MED1: variants seen among roughly 807,000 people sequenced by gnomAD.
The protein encoded by MED1 is mediator complex subunit 1, also known as mediator of RNA polymerase II transcription subunit 1.
MED1 carries 17 observed loss-of-function variants against 121.3 expected under a neutral mutation model. The ratio of observed to expected loss-of-function variants is 0.14; its 90% CI spans 0.10 to 0.21. The LOEUF (loss-of-function observed/expected upper bound fraction) is 0.21. Among genes scored for constraint, MED1 ranks in the 10% least tolerant of loss-of-function variants. The probability of loss-of-function intolerance (pLI) is 1.00; values close to 1 mark genes in which losing one functional copy is unlikely to be tolerated. For missense variants in MED1, 1,558 were observed against 1,919.4 expected, an observed-to-expected ratio of 0.81 and a Z score of 3.52; for synonymous variants, 661 against 694.4, an observed-to-expected ratio of 0.95 and a Z score of 0.76.
chr17:39,431,522 G>A lies in MED1; in HGVS notation c.576-334C>T, dbSNP rs368109753. On this transcript the variant is annotated intron_variant, in intron 8 of 16. Coordinates refer to ENST00000300651, the MANE Select transcript of MED1 (RefSeq NM_004774.4). Reference sequence around the variant, plus strand: ...TCGAACTCGTGACCTCAGGTGATCCGCCCGCCTCGGCCTCCCAAAGTGCTG... The same window carrying A: ...TCGAACTCGTGACCTCAGGTGATCCACCCGCCTCGGCCTCCCAAAGTGCTG... 8.4e-4 allele frequency among the ~76,000 whole-genome samples: 128 copies of A among 151,998 alleles called. 1 individual carries two copies. Among genetic ancestry groups the A allele is most frequent in the African/African-American group, 2.9e-3 (121 of 41,454 alleles).
At position 39,430,118 on chromosome 17, in the gene MED1, T is replaced by C. The variant is rs540163097; in HGVS notation, c.649+997A>G. Among the ~76,000 whole-genome samples the C allele has an allele frequency of 8.6e-5, 13 of 151,838 alleles. 1 individual carries two copies. The South Asian group carries it at 2.7e-3, about 32-fold the overall frequency. On this transcript the variant is annotated intron_variant, in intron 9 of 16. Coordinates refer to ENST00000300651, the MANE Select transcript of MED1 (RefSeq NM_004774.4). ...AAATAGGGATTGGTGCAGTGGCTAA[T>C]ACCTGTTTGTAATCCCAGCACTTTG...
chr17:39,416,487 T>C (rs914970973), intron 14 of MED1, among the ~76,000 whole-genome samples: 1 of 152,192 alleles, frequency 6.6e-6, no homozygotes, highest in African/African-American at 2.4e-5. Flanking sequence ...TATACTTTCT[T>C]TGTAAAAAGC....
chr17:39,429,702 TAAAAAAA>T (rs757034804), intron 9 of MED1, among the ~76,000 whole-genome samples: 6 of 48,966 alleles, frequency 1.2e-4, no homozygotes, highest in African/African-American at 1.0e-4. Context: ...CCTAAATGCC[TAAAAAAA>T]AAAAAAAAAA....
At chr17:39,421,246 A>G (rs1238464758) in intron 13 of MED1, among the ~76,000 whole-genome samples, 3 of 137,708 alleles carry the variant, frequency 2.2e-5, no homozygotes, top group African/African-American at 2.7e-5. Flanking sequence ...AGCAAAAAAA[A>G]AAAAAAGAAA....
rs1382860238 is a variant in MED1 at position 39,432,268 on chromosome 17, G to A, written c.501-252C>T. 4.7e-5 allele frequency among the ~76,000 whole-genome samples: 7 copies of A among 148,368 alleles called. 1 individual carries two copies. Among genetic ancestry groups the A allele is most frequent in the Admixed American group, 1.4e-4 (2 of 14,580 alleles). ...TGAGGCAGGAGAATTGCTTGAACCC[G>A]AGAGGAAGAGGTTGCAGTGAGCCAA... On this transcript the variant is annotated intron_variant, in intron 7 of 16. Transcript: ENST00000300651.
At chr17:39,412,687 G>A (rs951146239) in intron 16 of MED1, among the ~76,000 whole-genome samples, 19 of 151,498 alleles carry the variant, frequency 1.3e-4, no homozygotes, top group African/African-American at 2.2e-4. Flanking sequence ...ACAGAAGCCC[G>A]CCACCACGCC....
Position 39,440,373 on chromosome 17 carries a change from C to A in MED1, c.399+13G>T. ...AACCCCACAGATTCCAGTGAAATAT[C>A]AACAACACATACCACAGGATTCTCC... is the stretch of plus-strand genomic sequence containing the variant. On this transcript the variant is annotated intron_variant, in intron 5 of 16. Coordinates refer to ENST00000300651, the MANE Select transcript of MED1 (RefSeq NM_004774.4). The surrounding 1 kb of genome is among the most constrained non-coding windows in gnomAD (Gnocchi z 4.1). The A allele has an allele frequency of 6.5e-7, 1 of 1,546,720 alleles. No homozygotes were observed. Among genetic ancestry groups the A allele is most frequent in the South Asian group, 1.2e-5 (1 of 80,424 alleles).
In MED1 at chr17:39,407,142, A is replaced by G; in HGVS notation, c.*333T>C. 9.9e-7 allele frequency: 1 copy of G among 1,012,974 alleles called. No individual in the cohort carries two copies. The highest frequency in any genetic ancestry group is 1.7e-5 in the African/African-American group (1 of 58,344). 62.7% of individuals were successfully genotyped at this position (1,012,974 alleles called of 1,614,324 possible). ...GCCTAAAAATGGAAAAAGGGAGAAG[A>G]AAATATATATGAATATTTCCCACAA... On this transcript the variant is annotated 3_prime_UTR_variant, in exon 17 of 17. Transcript: ENST00000300651.
intron 3 of MED1, 141 bp downstream of exon 3, chr17:39,443,409 A>G (rs941583510): frequency 2.0e-5 from 13 of 638,634 alleles, no homozygotes; most frequent in Non-Finnish European, 3.6e-5. Flanking sequence ...GATCATTCCA[A>G]CTCCATAAAT....
At chr17:39,415,171 C>T in intron 15 of MED1, 40 bp from the exon 16 acceptor site, 1 of 1,608,378 alleles carries the variant, frequency 6.2e-7, no homozygotes, top group Non-Finnish European at 8.5e-7. Context: ...TTAGATTTAG[C>T]TTCTGACTTT....
intron 14 of MED1, 37 bp from the exon 15 acceptor site, chr17:39,415,376 T>C: frequency 6.4e-7 from 1 of 1,551,036 alleles, no homozygotes; most frequent in Non-Finnish European, 8.9e-7. Flanking sequence ...AACAACCAAA[T>C]ATAAGACTTC....
rs2048302503 is a variant in MED1, at chr17:39,406,253, T to C, written c.*1222A>G. ...GGCCCCCATTACTTCAAAAGTGAGC[T>C]TGAAATTGTTTTAAGTGAACTATGG... is the stretch of plus-strand genomic sequence containing the variant. On this transcript the variant is annotated 3_prime_UTR_variant, in exon 17 of 17. Coordinates refer to ENST00000300651, the MANE Select transcript of MED1 (RefSeq NM_004774.4). 1 of 985,582 alleles carries C rather than the reference T, an allele frequency of 1.0e-6. No homozygotes were observed. The highest frequency in any genetic ancestry group is 1.2e-6 in the Non-Finnish European group (1 of 829,934). The allele number at this position is 985,582 out of a possible 1,614,324, so 61.1% of individuals were successfully genotyped here.
chr17:39,412,905 C>T (rs1430682810), intron 16 of MED1, among the ~76,000 whole-genome samples: 1 of 152,094 alleles, frequency 6.6e-6, no homozygotes, highest in African/African-American at 2.4e-5. Flanking sequence ...TTCACCTACT[C>T]TGCAATATTA....
At chr17:39,433,821 T>G (rs1467668800) in intron 7 of MED1, among the ~76,000 whole-genome samples, 1 of 152,132 alleles carries the variant, frequency 6.6e-6, no homozygotes, top group Non-Finnish European at 1.5e-5. Context: ...GGCCTCCCAA[T>G]GTACTGGGAT....
intron 2 of MED1, 127 bp from the exon 3 acceptor site, chr17:39,443,755 T>C: frequency 1.4e-6 from 1 of 709,638 alleles, no homozygotes; most frequent in Non-Finnish European, 2.5e-6. Context: ...TCTATAGATT[T>C]TGTAGACTAT....
At chr17:39,435,929 G>A (rs111580500) in intron 6 of MED1, among the ~76,000 whole-genome samples, 11 of 152,090 alleles carry the variant, frequency 7.2e-5, no homozygotes, top group South Asian at 4.1e-4. Context: ...AAAATTAGCC[G>A]GGCATAATGG....
Position 39,451,019 on chromosome 17 carries a change from T to G in MED1, c.25+19A>C, listed in dbSNP as rs2144782650. ...CCCCAGTTGTGTCCCGCCCCCTCCTTTCCCCTACAGTCACTTACCCTCGGT... is the reference window on the plus strand; with the variant it reads ...CCCCAGTTGTGTCCCGCCCCCTCCTGTCCCCTACAGTCACTTACCCTCGGT... On this transcript the variant is annotated intron_variant, in intron 1 of 16. Transcript: ENST00000300651. 6.2e-7 allele frequency: 1 copy of G among 1,605,166 alleles called. No individual in the cohort carries two copies. Among genetic ancestry groups the G allele is most frequent in the Admixed American group, 1.7e-5 (1 of 58,588 alleles).
intron 3 of MED1, 89 bp downstream of exon 3, chr17:39,443,461 C>T (rs542094590): frequency 4.2e-5 from 48 of 1,129,546 alleles, no homozygotes; most frequent in Non-Finnish European, 6.3e-5. Flanking sequence ...TGACCTACCT[C>T]AATTTTTTAC....
At position 39,410,457 on chromosome 17, in the gene MED1, C is replaced by T. The variant is rs755797231; in HGVS notation, c.1764G>A (p.Ser588=). ...TGCTGAAGTCCTCCCCATGGCCCAC[C>T]GACTCATGCCGATCTTTGATGCTCA... is the stretch of plus-strand genomic sequence containing the variant. ...MSMSIKDRHE[S]VGHGEDFSKV... The change falls in exon 17 of 17, where the codon TCG becomes TCA. Residue 588 remains serine (S), a synonymous_variant. Coordinates refer to ENST00000300651, the MANE Select transcript of MED1 (RefSeq NM_004774.4). 8.1e-6 allele frequency: 13 copies of T among 1,613,742 alleles called. No homozygotes were observed. The highest frequency in any genetic ancestry group is 2.2e-5 in the East Asian group (1 of 44,878).
Sources: gnomAD v4.1 joint callset for allele counts (sites outside exome capture counted in the v4.1 genomes callset) on GRCh38, gnomAD v4.1.1 for gene constraint, Gnocchi (gnomAD v3.1) non-coding constraint, MANE v1.5 for transcripts, NCBI Gene and HGNC (gene_info 2026-07-23, HGNC 2026-07-21) for gene names.